Variants in RAB6A observed in about 807,000 individuals in gnomAD.
RAB6A encodes ras-related protein Rab-6A.
A neutral mutation model predicts 32.3 loss-of-function variants in RAB6A; 8 were observed. The ratio of observed to expected loss-of-function variants is 0.25; its 90% CI spans 0.15 to 0.45. The LOEUF is 0.45. RAB6A is among the 20% of genes least tolerant of loss of function. The probability of loss-of-function intolerance (pLI) is 1.00; values close to 1 mark genes in which losing one functional copy is unlikely to be tolerated. For synonymous variants in RAB6A, 73 were observed against 82.1 expected (o/e 0.89, Z 0.60); for missense variants, 104 against 249.4 (o/e 0.42, Z 3.93).
chr11:73,706,463 G>A (rs978799095), intron 6 of RAB6A, among the ~76,000 whole-genome samples: 3 of 151,188 alleles, frequency 2.0e-5, no homozygotes, highest in Admixed American at 6.6e-5. Context: ...GCAGTGAGCC[G>A]AGATCGCGCC....
chr11:73,713,521 T>C lies in RAB6A; in HGVS notation c.401+2730A>G, dbSNP rs905691711. ...AGGGGGAGCTTGCAGTGAGCCAAGA[T>C]TGCGCCACTGCACTCCAGGCTGGGA... On this transcript the variant is annotated intron_variant, in intron 5 of 7. Coordinates refer to ENST00000336083, the MANE Select transcript of RAB6A (RefSeq NM_198896.2). Among the ~76,000 whole-genome samples the C allele has an allele frequency of 3.3e-5, 5 of 151,168 alleles. 1 individual carries two copies. The highest frequency in any genetic ancestry group is 3.3e-4 in the Admixed American group (5 of 15,122).
At chr11:73,744,511 C>CAAAAAAAAAA (rs555388622) in intron 1 of RAB6A, among the ~76,000 whole-genome samples, 6 of 63,772 alleles carry the variant, frequency 9.4e-5, no homozygotes, top group African/African-American at 4.4e-4. Flanking sequence ...ACCCTGTCTC[C>CAAAAAAAAAA]AAAAAAAAAA....
At chr11:73,741,742 T>C (rs962168002) in intron 1 of RAB6A, among the ~76,000 whole-genome samples, 10 of 152,200 alleles carry the variant, frequency 6.6e-5, no homozygotes, top group Non-Finnish European at 1.5e-4. Flanking sequence ...TAAATGAAAA[T>C]ATCTTATCTC....
chr11:73,748,833 T>C (rs994532611), intron 1 of RAB6A, among the ~76,000 whole-genome samples: 3 of 152,086 alleles, frequency 2.0e-5, no homozygotes, highest in African/African-American at 7.2e-5. Context: ...CTTTAAAAAA[T>C]TATGGATTAG....
rs1423356068 is a variant in RAB6A, at chr11:73,692,439, C to T, written c.496-12719G>A. ...AATGGCGTGAACCCGGGAGGCGGAGCTTACAGTGAGCCGAGATTGCGCCAC... is the reference window on the plus strand; with the variant it reads ...AATGGCGTGAACCCGGGAGGCGGAGTTTACAGTGAGCCGAGATTGCGCCAC... On this transcript the variant is annotated intron_variant, in intron 6 of 7. Coordinates refer to ENST00000336083, the MANE Select transcript of RAB6A (RefSeq NM_198896.2). Among the ~76,000 whole-genome samples the T allele has an allele frequency of 3.0e-5, 4 of 133,058 alleles. No individual in the cohort carries two copies. The East Asian group carries it at 9.4e-4, about 31-fold the overall frequency. 87.3% of individuals were successfully genotyped at this position (133,058 alleles called of 152,430 possible).
intron 1 of RAB6A, among the ~76,000 whole-genome samples, chr11:73,751,438 GGAAAGCTGA>G (rs1276697929): frequency 6.6e-6 from 1 of 152,106 alleles, no homozygotes; most frequent in Non-Finnish European, 1.5e-5. Context: ...CCGACAATGG[GGAAAGCTGA>G]GAAAGCTGAT....
chr11:73,718,576 G>A, intron 4 of RAB6A, 37 bp downstream of exon 4: 1 of 1,527,600 alleles, frequency 6.5e-7, no homozygotes, highest in Admixed American at 1.9e-5. Context: ...GCTAAAGGTT[G>A]AAAGAAGATT....
In RAB6A at chr11:73,734,787, C is replaced by T. The variant is rs369991766; in HGVS notation, c.71-3964G>A. 2.6e-5 allele frequency among the ~76,000 whole-genome samples: 4 copies of T among 151,982 alleles called. No homozygotes were observed. In the East Asian group the frequency reaches 5.8e-4, roughly 22 times the overall value. ...GTTCCTAACAGGAGTAATCTAAAAT[C>T]TAGGAGAAAAAAAACTAAAGGAGAG... On this transcript the variant is annotated intron_variant, in intron 1 of 7. Coordinates refer to ENST00000336083, the MANE Select transcript of RAB6A (RefSeq NM_198896.2).
intron 2 of RAB6A, among the ~76,000 whole-genome samples, chr11:73,726,264 G>A (rs1461078511): frequency 1.4e-4 from 19 of 138,024 alleles, no homozygotes; most frequent in African/African-American, 4.9e-4. Flanking sequence ...TAGCCTGGGC[G>A]ACAGAGCAAG....
intron 5 of RAB6A, among the ~76,000 whole-genome samples, chr11:73,715,240 C>T (rs549948062): frequency 6.6e-6 from 1 of 152,226 alleles, no homozygotes; most frequent in Admixed American, 6.5e-5. Context: ...AGTTCTCCTG[C>T]CTCAGCCTCC....
At chr11:73,760,014 T>G (rs1946817107) in intron 1 of RAB6A, 8 of 1,286,524 alleles carry the variant, frequency 6.2e-6, no homozygotes, top group Non-Finnish European at 7.1e-6. Flanking sequence ...CAGGTGAAAA[T>G]CATTTAATTT....
rs1946777981 is a variant in RAB6A, at chr11:73,757,327, T to G, written c.70+3239A>C. Among the ~76,000 whole-genome samples the G allele has an allele frequency of 2.7e-5, 4 of 149,424 alleles. No homozygotes were observed. The Admixed American group carries it at 2.7e-4, about 10-fold the overall frequency. On this transcript the variant is annotated intron_variant, in intron 1 of 7. Coordinates refer to ENST00000336083, the MANE Select transcript of RAB6A (RefSeq NM_198896.2). Reference sequence around the variant, plus strand: ...CATACCTGGATAATTTTTGTATTTTTGTAGAGACCGGGCCATGGGGTGGGG... The same window carrying G: ...CATACCTGGATAATTTTTGTATTTTGGTAGAGACCGGGCCATGGGGTGGGG...
At chr11:73,757,744 G>A (rs1174241534) in intron 1 of RAB6A, among the ~76,000 whole-genome samples, 1 of 152,108 alleles carries the variant, frequency 6.6e-6, no homozygotes, top group Non-Finnish European at 1.5e-5. Flanking sequence ...ATCAAATGAT[G>A]TAAGTTTTAA....
intron 1 of RAB6A, among the ~76,000 whole-genome samples, chr11:73,742,511 C>G (rs1019437607): frequency 6.6e-6 from 1 of 151,712 alleles, no homozygotes; most frequent in South Asian, 2.1e-4. Flanking sequence ...CTACTGATTA[C>G]TCTTATCAAA....
chr11:73,692,389 G>A (rs1270306629), intron 6 of RAB6A, among the ~76,000 whole-genome samples: 1 of 150,624 alleles, frequency 6.6e-6, no homozygotes. Flanking sequence ...TGTAGTCCCA[G>A]CTACTAGGGA....
At position 73,675,961 on chromosome 11, in the gene RAB6A, C is replaced by A. The variant is rs1449267603; in HGVS notation, c.*1937G>T. On this transcript the variant is annotated 3_prime_UTR_variant, in exon 8 of 8. Transcript: ENST00000336083. ...AATAAAACAAAGAGTCAACCCTTGC[C>A]TTTAACAATTATATTGTATTATAAA... 6.0e-6 allele frequency: 1 copy of A among 167,042 alleles called. No individual in the cohort carries two copies. Among genetic ancestry groups the A allele is most frequent in the Non-Finnish European group, 1.5e-5 (1 of 68,124 alleles). The allele number at this position is 167,042 out of a possible 1,614,324, so 10.3% of individuals were successfully genotyped here. A position where few individuals can be genotyped will look rare whatever the true frequency, so the allele number is the denominator to read the frequency against.
chr11:73,693,703 G>T (rs1337422657), intron 6 of RAB6A, among the ~76,000 whole-genome samples: 4 of 151,986 alleles, frequency 2.6e-5, no homozygotes, highest in African/African-American at 9.7e-5. Context: ...TAGTAACATA[G>T]TGAGACCTCG....
intron 1 of RAB6A, among the ~76,000 whole-genome samples, chr11:73,743,982 G>A (rs1442475400): frequency 6.6e-6 from 1 of 152,166 alleles, no homozygotes; most frequent in Non-Finnish European, 1.5e-5. Context: ...AGAGGCTGAG[G>A]CAGGGATCAC....
chr11:73,751,964 T>G (rs1590893703), intron 1 of RAB6A, among the ~76,000 whole-genome samples: 1 of 152,152 alleles, frequency 6.6e-6, no homozygotes, highest in East Asian at 1.9e-4. Flanking sequence ...AACACAACTC[T>G]CAGTGCTCAC....
Sources: allele counts gnomAD v4.1 joint callset (sites outside exome capture counted in the v4.1 genomes callset), GRCh38; gene constraint gnomAD v4.1.1; transcripts MANE v1.5; gene names NCBI Gene and HGNC (gene_info 2026-07-23, HGNC 2026-07-21).